GEMIN2: variants seen among roughly 807,000 people sequenced by gnomAD.
GEMIN2 encodes the protein gem-associated protein 2.
A neutral mutation model predicts 45.8 loss-of-function variants in GEMIN2; 37 were observed. The ratio of observed to expected loss-of-function variants is 0.81; its 90% CI spans 0.62 to 1.06. The LOEUF (loss-of-function observed/expected upper bound fraction) is 1.06, where lower values mean the gene tolerates loss of function less well. Among genes scored for constraint, GEMIN2 ranks in the 50% least tolerant of loss-of-function variants. GEMIN2 has a pLI of 0.00. For missense variants in GEMIN2, 335 were observed against 321.8 expected, an observed-to-expected ratio of 1.04 and a Z score of -0.31; for synonymous variants, 101 against 111.5, an observed-to-expected ratio of 0.91 and a Z score of 0.60.
At chr14:39,128,230 A>T in intron 6 of GEMIN2, 50 bp from the exon 7 acceptor site, 1 of 987,692 alleles carries the variant, frequency 1.0e-6, no homozygotes. Context: ...TGTTGAATTC[A>T]TGTTTTATTA....
intron 6 of GEMIN2, among the ~76,000 whole-genome samples, 186 bp from the exon 7 acceptor site, chr14:39,128,094 G>C (rs77282115): frequency 0.1 from 10,154 of 99,736 alleles, 782 homozygotes; most frequent in East Asian, 0.33. Flanking sequence ...AAAAAAAAAA[G>C]CCTCATTGGA....
chr14:39,133,808 GT>G (rs909262994), intron 9 of GEMIN2, 89 bp downstream of exon 9: 233 of 720,268 alleles, frequency 3.2e-4, no homozygotes, highest in South Asian at 5.6e-4. Context: ...TGTTTGGTTG[GT>G]TTTTTTTTGA....
In GEMIN2 at chr14:39,136,705, T is replaced by G; in HGVS notation, c.*226T>G. On this transcript the variant is annotated 3_prime_UTR_variant, in exon 10 of 10. Transcript: ENST00000308317. ...AGTTTTTGATGAACAGTTTGAACAG[T>G]TTTCTGTAATCAAGCAGCTTGCATA... The G allele has an allele frequency of 2.3e-6, 1 of 436,126 alleles. No homozygotes were observed. The highest frequency in any genetic ancestry group is 5.1e-5 in the South Asian group (1 of 19,740). The allele number at this position is 436,126 out of a possible 1,614,324, so 27.0% of individuals were successfully genotyped here.
intron 7 of GEMIN2, among the ~76,000 whole-genome samples, chr14:39,128,676 G>GT (rs371970291): frequency 5.7e-4 from 85 of 149,868 alleles, no homozygotes; most frequent in African/African-American, 1.5e-3. Context: ...TTTGTTTTTT[G>GT]TTTTTTTTAT....
At chr14:39,130,033 C>G (rs928342102) in intron 7 of GEMIN2, among the ~76,000 whole-genome samples, 26 of 148,702 alleles carry the variant, frequency 1.7e-4, no homozygotes, top group Non-Finnish European at 2.8e-4. Context: ...CTCTGCCTCC[C>G]AAGTTCAAGC....
chr14:39,125,058 T>C (rs780051511), intron 6 of GEMIN2, 22 bp downstream of exon 6: 2 of 1,125,040 alleles, frequency 1.8e-6, no homozygotes, highest in African/African-American at 3.1e-5. Context: ...AATAGAGATA[T>C]ATGCATTCTT....
At chr14:39,122,597 C>A in intron 5 of GEMIN2, 54 bp downstream of exon 5, 2 of 938,670 alleles carry the variant, frequency 2.1e-6, no homozygotes, top group Non-Finnish European at 3.3e-6. Flanking sequence ...TGGTGCACCA[C>A]TTAATATAAG....
intron 8 of GEMIN2, among the ~76,000 whole-genome samples, chr14:39,133,029 T>C (rs1226872831): frequency 7.6e-6 from 1 of 131,062 alleles, no homozygotes; most frequent in African/African-American, 2.9e-5. Context: ...TGTGTGTGTA[T>C]ATATATATAT....
chr14:39,115,469 T>C (rs2139329252), intron 2 of GEMIN2, among the ~76,000 whole-genome samples: 1 of 150,704 alleles, frequency 6.6e-6, no homozygotes, highest in Non-Finnish European at 1.5e-5. Flanking sequence ...TTTTTTTTTT[T>C]TTTTTTGAGA....
intron 7 of GEMIN2, among the ~76,000 whole-genome samples, chr14:39,130,218 G>C (rs1238526563): frequency 6.6e-6 from 1 of 151,816 alleles, no homozygotes; most frequent in Non-Finnish European, 1.5e-5. Context: ...ATTTGTAAAA[G>C]AAACCTGGAT....
chr14:39,130,969 C>T (rs1324558817), intron 7 of GEMIN2, among the ~76,000 whole-genome samples: 1 of 151,572 alleles, frequency 6.6e-6, no homozygotes, highest in Non-Finnish European at 1.5e-5. Context: ...AAGATGGCTA[C>T]AAGATGATAT....
chr14:39,121,574 G>C (rs2052573242), intron 4 of GEMIN2, among the ~76,000 whole-genome samples: 1 of 152,154 alleles, frequency 6.6e-6, no homozygotes, highest in Non-Finnish European at 1.5e-5. Context: ...CCCACATATT[G>C]TGTAGCCACT....
chr14:39,125,112 T>G, intron 6 of GEMIN2, 76 bp downstream of exon 6: 2 of 761,556 alleles, frequency 2.6e-6, no homozygotes, highest in Non-Finnish European at 4.6e-6. Flanking sequence ...TTAATACATA[T>G]ACTGAATTCT....
rs753788286 is a variant in GEMIN2 at position 39,128,280 on chromosome 14, G to A, written c.532G>A (p.Ala178Thr). The A allele has an allele frequency of 6.6e-7, 1 of 1,516,106 alleles. No homozygotes were observed. Among genetic ancestry groups the A allele is most frequent in the South Asian group, 1.2e-5 (1 of 84,608 alleles). The allele number at this position is 1,516,106 out of a possible 1,614,324, so 93.9% of individuals were successfully genotyped here. A position where few individuals can be genotyped will look rare whatever the true frequency, so the allele number is the denominator to read the frequency against. The change falls in exon 7 of 10, where the codon GCA becomes ACA. Residue 178 changes from alanine to threonine, a missense_variant and splice_region_variant. Ala to Thr is a moderately conservative substitution (Grantham distance 58). Coordinates refer to ENST00000308317, the MANE Select transcript of GEMIN2 (RefSeq NM_003616.3). ...CTCCACCCCCTCTTTTTTTTTTTAGGCAACAGTAACTAGTGTCTTGGAATA... is the reference window on the plus strand; with the variant it reads ...CTCCACCCCCTCTTTTTTTTTTTAGACAACAGTAACTAGTGTCTTGGAATA... ...LLSIVSRMNQ[A>T]TVTSVLEYLS... is the part of the protein sequence containing the mutation.
At chr14:39,135,630 G>A (rs11622968) in intron 9 of GEMIN2, among the ~76,000 whole-genome samples, 14,331 of 151,910 alleles carry the variant, frequency 0.094, 889 homozygotes, top group East Asian at 0.32. Context: ...GCTGGGCACA[G>A]TGACTCACAC....
At position 39,136,612 on chromosome 14, in the gene GEMIN2, C is replaced by T. The variant is rs1387886863; in HGVS notation, c.*133C>T. On this transcript the variant is annotated 3_prime_UTR_variant, in exon 10 of 10. Coordinates refer to ENST00000308317, the MANE Select transcript of GEMIN2 (RefSeq NM_003616.3). ...TGAAGGGTTCACATCTTAACCTGTG[C>T]AATTCAGATTGATACTCAGAATATG... 3.0e-6 allele frequency: 2 copies of T among 677,598 alleles called. No homozygotes were observed. The highest frequency in any genetic ancestry group is 5.2e-5 in the East Asian group (2 of 38,730). The allele number at this position is 677,598 out of a possible 1,614,324, so 42.0% of individuals were successfully genotyped here. A position where few individuals can be genotyped will look rare whatever the true frequency, so the allele number is the denominator to read the frequency against.
At chr14:39,133,863 A>T in intron 9 of GEMIN2, 144 bp downstream of exon 9, 1 of 476,798 alleles carries the variant, frequency 2.1e-6, no homozygotes, top group African/African-American at 2.0e-5. Flanking sequence ...GCGCAATCAC[A>T]GCTCACTAGA....
intron 4 of GEMIN2, among the ~76,000 whole-genome samples, chr14:39,120,672 G>T (rs1257626009): frequency 6.6e-6 from 1 of 152,134 alleles, no homozygotes; most frequent in Non-Finnish European, 1.5e-5. Flanking sequence ...TTGTTGCCCA[G>T]TCTGGAGTGC....
Position 39,114,854 on chromosome 14 carries a change from G to A in GEMIN2, c.163G>A (p.Val55Ile), listed in dbSNP as rs772682237. The change falls in exon 2 of 10, where the codon GTT becomes ATT. Residue 55 changes from valine to isoleucine, a missense_variant. By Grantham distance (29) the Val-to-Ile change is conservative. Transcript: ENST00000308317. Reference protein sequence around the residue: ...VQIEAAQCPDVVVAQIDPKKL... With the variant: ...VQIEAAQCPDIVVAQIDPKKL... ...GATCGAAGCAGCTCAATGTCCAGAT[G>A]TTGTGGTAGCTCAAATTGACCCAAA... 1.9e-6 allele frequency: 3 copies of A among 1,573,246 alleles called. No homozygotes were observed. Among genetic ancestry groups the A allele is most frequent in the Admixed American group, 1.7e-5 (1 of 59,936 alleles).
Sources: allele counts gnomAD v4.1 joint callset (sites outside exome capture counted in the v4.1 genomes callset), GRCh38; gene constraint gnomAD v4.1.1; transcripts MANE v1.5; gene names NCBI Gene and HGNC (gene_info 2026-07-23, HGNC 2026-07-21).